The following SI variants were observed in gnomAD, a reference collection of about 807,000 sequenced individuals.
SI encodes sucrase-isomaltase, intestinal.
SI carries 235 observed loss-of-function variants against 253.3 expected under a neutral mutation model. That is an observed-to-expected ratio of 0.93 (90% confidence interval 0.83 to 1.03). SI has a LOEUF of 1.03. Among genes scored for constraint, SI ranks in the 50% least tolerant of loss-of-function variants. The pLI is 0.00. For missense variants in SI, 2,442 were observed against 2,211.1 expected, an observed-to-expected ratio of 1.10 and a Z score of -2.09; for synonymous variants, 819 against 712.0, an observed-to-expected ratio of 1.15 and a Z score of -2.39.
intron 24 of SI, among the ~76,000 whole-genome samples, chr3:165,031,804 A>G (rs1712260678): frequency 6.6e-6 from 1 of 151,174 alleles, no homozygotes; most frequent in Non-Finnish European, 1.5e-5. Flanking sequence ...CTTTTTTAAT[A>G]CATCAATCTA....
chr3:165,066,999 ACTGT>A lies in SI; in HGVS notation c.635+337_635+340del, dbSNP rs1576920301. 2.0e-5 allele frequency among the ~76,000 whole-genome samples: 3 copies of A among 151,966 alleles called. No homozygotes were observed. The South Asian group carries it at 6.2e-4, about 31-fold the overall frequency. ...ACTCCTCTTTGGTCTTTGAATAGTA[ACTGT>A]CTGATTCTACAAATTGGCAACAAAA... is the stretch of plus-strand genomic sequence containing the variant. On this transcript the variant is annotated intron_variant, in intron 6 of 47. Coordinates refer to ENST00000264382, the MANE Select transcript of SI (RefSeq NM_001041.4).
In SI at chr3:165,062,466, T is replaced by C. The variant is rs2108254117; in HGVS notation, c.925A>G (p.Thr309Ala). The C allele has an allele frequency of 1.9e-6, 3 of 1,589,154 alleles. No individual in the cohort carries two copies. The highest frequency in any genetic ancestry group is 1.3e-5 in the African/African-American group (1 of 74,428). Reference protein sequence around the residue: ...SNAMEIFIQPTPIVTYRVTGG... With the variant: ...SNAMEIFIQPAPIVTYRVTGG... ...GTAACTCTATATGTTACTATTGGAG[T>C]AGGCTGGATAAAAATCTCTGCAAAA... Residue 309 changes from threonine (T) to alanine (A), a missense_variant, in exon 9 of 48, where the codon ACT (threonine) becomes GCT (alanine). Transcript: ENST00000264382.
At chr3:164,993,564 G>A (rs1179808780) in intron 41 of SI, among the ~76,000 whole-genome samples, 4 of 151,488 alleles carry the variant, frequency 2.6e-5, no homozygotes, top group African/African-American at 7.3e-5. Flanking sequence ...TGGTAATATA[G>A]GGTGCTCAAA....
chr3:165,010,683 C>T (rs2108162142), intron 34 of SI, among the ~76,000 whole-genome samples: 1 of 152,194 alleles, frequency 6.6e-6, no homozygotes, highest in African/African-American at 2.4e-5. Flanking sequence ...TTAACTTATT[C>T]TATTAGCTGG....
chr3:165,068,639 C>T (rs1408919902), intron 5 of SI, 83 bp downstream of exon 5: 5 of 951,574 alleles, frequency 5.3e-6, no homozygotes, highest in African/African-American at 1.6e-5. Flanking sequence ...TCCCAAAGTG[C>T]TGGTATTACA....
chr3:165,015,671 C>T lies in SI; in HGVS notation c.3888+281G>A, dbSNP rs528749161. Reference sequence around the variant, plus strand: ...ATCTACCATTACATTTTGATAACTCCCATAAATAGAGGCCAATTTGTAGCT... The same window carrying T: ...ATCTACCATTACATTTTGATAACTCTCATAAATAGAGGCCAATTTGTAGCT... On this transcript the variant is annotated intron_variant, in intron 32 of 47. Coordinates refer to ENST00000264382, the MANE Select transcript of SI (RefSeq NM_001041.4). 3.0e-4 allele frequency among the ~76,000 whole-genome samples: 46 copies of T among 152,046 alleles called. 1 individual carries two copies. In the South Asian group the frequency reaches 9.6e-3, roughly 32 times the overall value.
At chr3:165,078,635 A>G (rs1352002881), upstream of SI, 1 of 151,784 alleles carries the variant, frequency 6.6e-6, no homozygotes, top group Non-Finnish European at 1.5e-5. Flanking sequence ...GTTTACATAA[A>G]TGTTTCTCTC....
At chr3:164,982,172 G>A in intron 47 of SI, 71 bp downstream of exon 47, 1 of 1,099,076 alleles carries the variant, frequency 9.1e-7, no homozygotes, top group Non-Finnish European at 1.4e-6. Context: ...TTACAGATGA[G>A]GGATATAAGA....
intron 16 of SI, among the ~76,000 whole-genome samples, chr3:165,044,276 T>TA (rs1713002280): frequency 6.6e-6 from 1 of 152,000 alleles, no homozygotes; most frequent in African/African-American, 2.4e-5. Flanking sequence ...TGTGAATATG[T>TA]AAAAAACATA....
chr3:165,054,577 A>G (rs987217588), intron 13 of SI, among the ~76,000 whole-genome samples: 1 of 151,956 alleles, frequency 6.6e-6, no homozygotes, highest in African/African-American at 2.4e-5. Flanking sequence ...CTGGTCTCGA[A>G]CTCCTGACCT....
intron 21 of SI, among the ~76,000 whole-genome samples, chr3:165,036,723 G>A (rs1295301246): frequency 1.3e-5 from 2 of 151,496 alleles, no homozygotes; most frequent in Non-Finnish European, 3.0e-5. Flanking sequence ...ATGCAATAAT[G>A]GATTTTTTGA....
In SI at chr3:165,016,096, A is replaced by G; in HGVS notation, c.3760-16T>C. ...ACTGAACATCCTGAAATATCCAAAA[A>G]TTATCAAAGTAGGGCAAAAAATACA... On this transcript the variant is annotated splice_polypyrimidine_tract_variant and intron_variant, in intron 31 of 47. Transcript: ENST00000264382. 1 of 1,611,242 alleles carries G rather than the reference A, an allele frequency of 6.2e-7. No individual in the cohort carries two copies. The highest frequency in any genetic ancestry group is 1.7e-5 in the Admixed American group (1 of 59,958).
rs552052571 is a variant in SI, at chr3:165,013,982, C to T, written c.4000-940G>A. On this transcript the variant is annotated intron_variant, in intron 33 of 47. Transcript: ENST00000264382. ...GCTCAAGCAATCCTCCTACCTCAGC[C>T]ACTCAAACTGCAAGCATTACATGCA... Among the ~76,000 whole-genome samples the T allele has an allele frequency of 2.6e-5, 4 of 152,238 alleles. No individual in the cohort carries two copies. In the South Asian group the frequency reaches 8.3e-4, roughly 32 times the overall value.
chr3:164,994,488 AAAGT>A, intron 40 of SI, 83 bp from the exon 41 acceptor site: 3 of 1,405,412 alleles, frequency 2.1e-6, no homozygotes, highest in African/African-American at 1.4e-5. Context: ...GAAGAACTAA[AAAGT>A]AAGACATGAT....
Position 164,991,395 on chromosome 3 carries a change from T to C in SI, c.5066A>G (p.His1689Arg), listed in dbSNP as rs757537179. Reference protein sequence around the residue: ...DTINLHVRGGHILPCQEPAQN... With the variant: ...DTINLHVRGGRILPCQEPAQN... Reference sequence around the variant, plus strand: ...AGCTGGCTCTTGACATGGTAGGATGTGACCACCACGGACATGTAGGTTTAT... The same window carrying C: ...AGCTGGCTCTTGACATGGTAGGATGCGACCACCACGGACATGTAGGTTTAT... Residue 1689 changes from histidine (H) to arginine (R), a missense_variant, in exon 44 of 48, where the codon CAC (histidine) becomes CGC (arginine). Transcript: ENST00000264382. The C allele has an allele frequency of 1.9e-6, 3 of 1,613,650 alleles. No individual in the cohort carries two copies. In the African/African-American group the frequency reaches 4.0e-5, roughly 22 times the overall value.
intron 16 of SI, 110 bp downstream of exon 16, chr3:165,046,731 A>G: frequency 1.1e-6 from 1 of 908,950 alleles, no homozygotes. Flanking sequence ...AAAAAACTGA[A>G]TTATTTCTGT....
intron 3 of SI, among the ~76,000 whole-genome samples, chr3:165,073,281 G>C (rs994686478): frequency 1.3e-5 from 2 of 150,016 alleles, no homozygotes; most frequent in African/African-American, 4.9e-5. Flanking sequence ...CTGTCACCCA[G>C]GCTGGAATAC....
At chr3:165,039,051 G>A (rs1426795230) in intron 20 of SI, 27 bp downstream of exon 20, 3 of 1,437,424 alleles carry the variant, frequency 2.1e-6, no homozygotes, top group African/African-American at 2.8e-5. Flanking sequence ...ATACTTGTGA[G>A]TCCATTAGTA....
chr3:165,069,491 T>C (rs1464845617), intron 3 of SI, among the ~76,000 whole-genome samples: 2 of 152,096 alleles, frequency 1.3e-5, no homozygotes, highest in African/African-American at 4.8e-5. Context: ...TCTAAGTAAT[T>C]ATAATTTATT....
Sources: gnomAD v4.1 joint callset for allele counts (sites outside exome capture counted in the v4.1 genomes callset) on GRCh38, gnomAD v4.1.1 for gene constraint, MANE v1.5 for transcripts, NCBI Gene and HGNC (gene_info 2026-07-23, HGNC 2026-07-21) for gene names.